The following MCC variants were observed in gnomAD, a reference collection of about 807,000 sequenced individuals.
MCC encodes colorectal mutant cancer protein.
Under a neutral mutation model 116.2 loss-of-function variants are expected in MCC, and 90 were observed. The observed-to-expected ratio is 0.77, with a 90% CI of 0.65 to 0.92. The LOEUF (loss-of-function observed/expected upper bound fraction) is 0.92. Ranked by LOEUF, MCC falls within the 40% of genes least tolerant of loss-of-function variation. MCC has a pLI of 0.00. For synonymous variants in MCC, 578 were observed against 510.5 expected (o/e 1.13, Z -1.78); for missense variants, 1,516 against 1,312.2 (o/e 1.16, Z -2.40).
At chr5:113,451,217 G>A (rs756935158) in intron 1 of MCC, among the ~76,000 whole-genome samples, 2 of 152,262 alleles carry the variant, frequency 1.3e-5, no homozygotes, top group East Asian at 3.9e-4. Context: ...CTGAGATGAA[G>A]CCCACTACAC....
intron 1 of MCC, among the ~76,000 whole-genome samples, chr5:113,396,001 G>A (rs1046839017): frequency 1.3e-5 from 2 of 152,058 alleles, no homozygotes; most frequent in African/African-American, 4.8e-5. Flanking sequence ...TAAGGAATGA[G>A]GGTTTTCAGG....
At chr5:113,272,580 TC>T (rs1261366566) in intron 3 of MCC, among the ~76,000 whole-genome samples, 2 of 152,208 alleles carry the variant, frequency 1.3e-5, no homozygotes, top group Non-Finnish European at 2.9e-5. Context: ...CTCAGTAATT[TC>T]TAATTATCAG....
At chr5:113,449,020 T>C (rs1450316419) in intron 1 of MCC, among the ~76,000 whole-genome samples, 1 of 152,246 alleles carries the variant, frequency 6.6e-6, no homozygotes, top group Non-Finnish European at 1.5e-5. Flanking sequence ...AATTTACTAT[T>C]AACCTTCAGT....
At chr5:113,132,794 A>G (rs1321457175) in intron 5 of MCC, among the ~76,000 whole-genome samples, 2 of 152,160 alleles carry the variant, frequency 1.3e-5, no homozygotes, top group Non-Finnish European at 2.9e-5. Flanking sequence ...TGTTTCAGAC[A>G]TAGTACTCAG....
intron 3 of MCC, among the ~76,000 whole-genome samples, chr5:113,245,800 A>G (rs1031937493): frequency 1.3e-5 from 2 of 152,170 alleles, no homozygotes; most frequent in African/African-American, 4.8e-5. Flanking sequence ...AAGAACTCAT[A>G]CTGTGACAAT....
In MCC at chr5:113,410,498, G is replaced by A. The variant is rs573077563; in HGVS notation, c.171-25286C>T. On this transcript the variant is annotated intron_variant, in intron 1 of 18. Transcript: ENST00000408903. The stretch of plus-strand genomic sequence containing the variant: ...TCAAAAAAATTATTCTTGGCTGGGC[G>A]TGGTGGGTCATGTCTGTGATTCCAG... 9.8e-5 allele frequency among the ~76,000 whole-genome samples: 15 copies of A among 152,334 alleles called. No individual in the cohort carries two copies. In the East Asian group the frequency reaches 2.7e-3, roughly 27 times the overall value.
At chr5:113,417,901 C>T (rs1324951603) in intron 1 of MCC, among the ~76,000 whole-genome samples, 1 of 151,538 alleles carries the variant, frequency 6.6e-6, no homozygotes, top group Non-Finnish European at 1.5e-5. Context: ...CTACTGCACT[C>T]CAGCCTGGGT....
intron 3 of MCC, among the ~76,000 whole-genome samples, chr5:113,309,457 G>T (rs1254934002): frequency 1.1e-4 from 16 of 152,310 alleles, no homozygotes; most frequent in South Asian, 2.1e-4. Context: ...GTGAGAATAT[G>T]TGGTATTTGG....
chr5:113,419,801 CAT>C (rs1770271787), intron 1 of MCC, among the ~76,000 whole-genome samples: 1 of 142,594 alleles, frequency 7.0e-6, no homozygotes, highest in Non-Finnish European at 1.5e-5. Context: ...TGTTCTCACT[CAT>C]AGGTGGGAAT....
chr5:113,183,720 G>A (rs1761743747), intron 3 of MCC, among the ~76,000 whole-genome samples: 1 of 152,158 alleles, frequency 6.6e-6, no homozygotes, highest in South Asian at 2.1e-4. Flanking sequence ...GAGCACCAGG[G>A]GCAAATGGGA....
intron 13 of MCC, among the ~76,000 whole-genome samples, chr5:113,064,381 G>A (rs1036665267): frequency 2.0e-5 from 3 of 152,184 alleles, no homozygotes; most frequent in African/African-American, 7.2e-5. Flanking sequence ...TCTTTCTCTG[G>A]GCTCCACTGG....
intron 3 of MCC, among the ~76,000 whole-genome samples, chr5:113,274,454 G>T (rs1765743292): frequency 6.6e-6 from 1 of 152,164 alleles, no homozygotes; most frequent in South Asian, 2.1e-4. Flanking sequence ...CTGCCTCCCG[G>T]GTTCAAATGA....
At chr5:113,459,131 A>ATG (rs1491293367) in intron 1 of MCC, among the ~76,000 whole-genome samples, 9 of 64,066 alleles carry the variant, frequency 1.4e-4, no homozygotes, top group African/African-American at 5.2e-4. Flanking sequence ...AGGAGTAAGG[A>ATG]TATGTGTGTG....
intron 1 of MCC, among the ~76,000 whole-genome samples, chr5:113,409,383 G>C (rs1006058126): frequency 2.0e-5 from 3 of 151,702 alleles, no homozygotes; most frequent in Non-Finnish European, 4.4e-5. Context: ...ACAGGGTCTT[G>C]CTCTGTTGTC....
chr5:113,210,823 C>T (rs1037848184), intron 3 of MCC, among the ~76,000 whole-genome samples: 3 of 152,112 alleles, frequency 2.0e-5, no homozygotes, highest in East Asian at 1.9e-4. Context: ...GAGCTAAGAT[C>T]GACCCTAACC....
chr5:113,073,955 G>A (rs1210404074), intron 11 of MCC, among the ~76,000 whole-genome samples: 2 of 152,252 alleles, frequency 1.3e-5, no homozygotes, highest in Non-Finnish European at 2.9e-5. Context: ...GCTGGGGGCA[G>A]GGCATAGCTG....
intron 1 of MCC, among the ~76,000 whole-genome samples, chr5:113,396,093 C>T (rs775501527): frequency 6.6e-6 from 1 of 151,954 alleles, no homozygotes. Flanking sequence ...TTTGGGAGGC[C>T]GAGGCAGGAG....
intron 3 of MCC, among the ~76,000 whole-genome samples, chr5:113,175,376 GCTTAT>G (rs998030650): frequency 4.6e-5 from 7 of 152,250 alleles, no homozygotes; most frequent in Admixed American, 1.3e-4. Context: ...TATTTATTCT[GCTTAT>G]CTTAAGACAG....
At chr5:113,337,429 T>C (rs1767896500) in intron 3 of MCC, among the ~76,000 whole-genome samples, 1 of 152,170 alleles carries the variant, frequency 6.6e-6, no homozygotes, top group Admixed American at 6.5e-5. Flanking sequence ...TGCAATTCAG[T>C]GGGCTGCAGA....
Sources: allele counts gnomAD v4.1 joint callset (sites outside exome capture counted in the v4.1 genomes callset), GRCh38; gene constraint gnomAD v4.1.1; transcripts MANE v1.5; gene names NCBI Gene and HGNC (gene_info 2026-07-23, HGNC 2026-07-21).